PBX4: variants seen among roughly 807,000 people sequenced by gnomAD.
PBX4 encodes pre-B-cell leukemia transcription factor 4.
PBX4 carries 26 observed loss-of-function variants against 35.1 expected under a neutral mutation model. That is an observed-to-expected ratio of 0.74 (90% confidence interval 0.54 to 1.03). The LOEUF (loss-of-function observed/expected upper bound fraction) is 1.03, where lower values mean the gene tolerates loss of function less well. PBX4 is among the 50% of genes least tolerant of loss of function. The pLI is 0.00. For missense variants in PBX4, 448 were observed against 504.3 expected (o/e 0.89, Z 1.07); for synonymous variants, 199 against 204.2 (o/e 0.97, Z 0.22).
intron 2 of PBX4, among the ~76,000 whole-genome samples, chr19:19,571,639 T>TG (rs1187768377): frequency 6.6e-6 from 1 of 151,986 alleles, no homozygotes; most frequent in African/African-American, 2.4e-5. Context: ...GACTCCAGGG[T>TG]CATTCCCAGA....
rs570174923 is a variant in PBX4 at position 19,586,420 on chromosome 19, A to G, written c.193+12872T>C. Reference sequence around the variant, plus strand: ...TGAGACAGAGCAAGACCCTGTCTCAAAAAATAAACAAACAATTATATGAGC... The same window carrying G: ...TGAGACAGAGCAAGACCCTGTCTCAGAAAATAAACAAACAATTATATGAGC... On this transcript the variant is annotated intron_variant, in intron 2 of 7. Transcript: ENST00000251203. 1.2e-4 allele frequency among the ~76,000 whole-genome samples: 18 copies of G among 152,004 alleles called. No individual in the cohort carries two copies. The East Asian group carries it at 3.5e-3, about 30-fold the overall frequency.
At chr19:19,594,212 C>A (rs895627097) in intron 2 of PBX4, among the ~76,000 whole-genome samples, 22 of 151,904 alleles carry the variant, frequency 1.4e-4, no homozygotes, top group African/African-American at 5.3e-4. Flanking sequence ...TCAAGACCAG[C>A]CTGACCAACA....
chr19:19,578,187 CAA>C (rs34045847), intron 2 of PBX4, among the ~76,000 whole-genome samples: 2,458 of 80,412 alleles, frequency 0.031, 69 homozygotes, highest in South Asian at 0.17. Flanking sequence ...GACTCCATCT[CAA>C]AAAAAAAAAA....
chr19:19,612,351 C>G (rs1218369396), intron 1 of PBX4, among the ~76,000 whole-genome samples: 11 of 152,122 alleles, frequency 7.2e-5, no homozygotes, highest in Non-Finnish European at 1.0e-4. Context: ...AACAAACTTA[C>G]GGCAACAAAA....
At chr19:19,588,052 G>A (rs1248979925) in intron 2 of PBX4, 1 of 661,380 alleles carries the variant, frequency 1.5e-6, no homozygotes, top group African/African-American at 1.8e-5. Context: ...GCAGCAGCTT[G>A]ATGTGGGGCG....
rs1385799158 is a variant in PBX4, at chr19:19,602,208, G to C, written c.120-2843C>G. Among the ~76,000 whole-genome samples, 3 of 152,096 alleles carry C rather than the reference G, an allele frequency of 2.0e-5. No homozygotes were observed. In the East Asian group the frequency reaches 5.8e-4, roughly 29 times the overall value. ...AGCACTATGGGAGGCTGAGGTGGGA[G>C]GACCAGTCTAGGCAACATAGCAAGA... On this transcript the variant is annotated intron_variant, in intron 1 of 7. Coordinates refer to ENST00000251203, the MANE Select transcript of PBX4 (RefSeq NM_025245.3).
In PBX4 at chr19:19,569,375, C is replaced by T. The variant is rs2144709640; in HGVS notation, c.768+74G>A. On this transcript the variant is annotated intron_variant, in intron 5 of 7. Coordinates refer to ENST00000251203, the MANE Select transcript of PBX4 (RefSeq NM_025245.3). ...GCCTCTGCACACATTTAACAAACTT[C>T]CCTGGGTGTCCTCATGGGACCTAGT... 3.9e-6 allele frequency: 6 copies of T among 1,528,146 alleles called. No homozygotes were observed. The Admixed American group carries it at 1.0e-4, about 27-fold the overall frequency. 94.7% of individuals were successfully genotyped at this position (1,528,146 alleles called of 1,614,324 possible). A position where few individuals can be genotyped will look rare whatever the true frequency, so the allele number is the denominator to read the frequency against.
At position 19,599,134 on chromosome 19, in the gene PBX4, A is replaced by C. The variant is rs554151909; in HGVS notation, c.193+158T>G. ...CCGGCATGCGTCACCACGCCTGGCT[A>C]ATTTTTGTATTTTTAATAGAGACAG... On this transcript the variant is annotated intron_variant, in intron 2 of 7. Coordinates refer to ENST00000251203, the MANE Select transcript of PBX4 (RefSeq NM_025245.3). 2.6e-5 allele frequency among the ~76,000 whole-genome samples: 4 copies of C among 151,954 alleles called. No homozygotes were observed. The East Asian group carries it at 7.8e-4, about 30-fold the overall frequency.
At chr19:19,597,168 G>T (rs1173019474) in intron 2 of PBX4, among the ~76,000 whole-genome samples, 1 of 151,852 alleles carries the variant, frequency 6.6e-6, no homozygotes, top group Non-Finnish European at 1.5e-5. Context: ...AGCCAAGATC[G>T]TGCCATTGCA....
At position 19,569,554 on chromosome 19, in the gene PBX4, C is replaced by A; in HGVS notation, c.663G>T (p.Ala221=). The change falls in exon 5 of 8, where the codon GCG becomes GCT. Residue 221 remains alanine, a synonymous_variant. Transcript: ENST00000251203. ...AAAAATACTCATTCAGCACTTCCGT[C>A]GCCTGCTTGCTGAAATTCCGCCGCT... is the stretch of plus-strand genomic sequence containing the variant. ...RRKRRNFSKQ[A]TEVLNEYFYS... 1 of 1,613,760 alleles carries A rather than the reference C, an allele frequency of 6.2e-7. No individual in the cohort carries two copies. Among genetic ancestry groups the A allele is most frequent in the Non-Finnish European group, 8.5e-7 (1 of 1,179,822 alleles).
chr19:19,588,183 C>A, intron 2 of PBX4: 1 of 1,324,150 alleles, frequency 7.6e-7, no homozygotes, highest in South Asian at 1.2e-5. Context: ...CTATTCTTCT[C>A]CTGGATGGTG....
chr19:19,609,734 C>T (rs952525970), intron 1 of PBX4, among the ~76,000 whole-genome samples: 1 of 151,826 alleles, frequency 6.6e-6, no homozygotes, highest in African/African-American at 2.4e-5. Context: ...GCCTGTATTC[C>T]CAGCTACTCG....
At chr19:19,574,334 C>T (rs748208384) in intron 2 of PBX4, among the ~76,000 whole-genome samples, 6 of 152,200 alleles carry the variant, frequency 3.9e-5, no homozygotes, top group East Asian at 1.9e-4. Flanking sequence ...TCTTCATAGA[C>T]GCCCTCCTCT....
At chr19:19,565,866 C>T (rs999582058) in intron 5 of PBX4, among the ~76,000 whole-genome samples, 1 of 151,898 alleles carries the variant, frequency 6.6e-6, no homozygotes, top group Non-Finnish European at 1.5e-5. Flanking sequence ...TGCAGTGAGC[C>T]AAGATCGCAC....
chr19:19,570,269 T>G lies in PBX4; in HGVS notation c.472A>C (p.Asn158His). Residue 158 changes from asparagine (N) to histidine (H), a missense_variant, in exon 4 of 8, where the codon AAC becomes CAC. Coordinates refer to ENST00000251203, the MANE Select transcript of PBX4 (RefSeq NM_025245.3). ...ACREFTTHVTNLLQEQSRMRP... is the reference protein window; with the variant it reads ...ACREFTTHVTHLLQEQSRMRP... ...ATCCTGCTCTGCTCCTGGAGGAGGT[T>G]GGTGACGTGCGTGGTGAACTCACGA... 6.2e-7 allele frequency: 1 copy of G among 1,612,220 alleles called. No individual in the cohort carries two copies. Among genetic ancestry groups the G allele is most frequent in the Non-Finnish European group, 8.5e-7 (1 of 1,178,896 alleles).
intron 1 of PBX4, among the ~76,000 whole-genome samples, chr19:19,607,317 G>A (rs1015780236): frequency 6.6e-6 from 1 of 152,096 alleles, no homozygotes; most frequent in Non-Finnish European, 1.5e-5. Context: ...GCCTCCCAAA[G>A]TGCTGGGATT....
At chr19:19,565,964 T>TAAAAAAGAGATAG (rs1365758362) in intron 5 of PBX4, among the ~76,000 whole-genome samples, 2 of 151,952 alleles carry the variant, frequency 1.3e-5, no homozygotes, top group African/African-American at 4.8e-5. Flanking sequence ...GGTCTCGCTC[T>TAAAAAAGAGATAG]GTTGCCCAGG....
At chr19:19,584,215 G>C (rs138310542) in intron 2 of PBX4, among the ~76,000 whole-genome samples, 1 of 152,316 alleles carries the variant, frequency 6.6e-6, no homozygotes, top group Non-Finnish European at 1.5e-5. Flanking sequence ...TCCAGCCTGG[G>C]TGACAGAGCG....
In PBX4 at chr19:19,569,596, G is replaced by T. The variant is rs1239343011; in HGVS notation, c.633-12C>A. ...TCCGCCGCTTGCGCCTGCAAAAACA[G>T]CCGCCTTCGTAGGCATTAATATGCT... On this transcript the variant is annotated splice_polypyrimidine_tract_variant and intron_variant, in intron 4 of 7. Coordinates refer to ENST00000251203, the MANE Select transcript of PBX4 (RefSeq NM_025245.3). 4 of 1,612,588 alleles carry T rather than the reference G, an allele frequency of 2.5e-6. No homozygotes were observed. The highest frequency in any genetic ancestry group is 3.4e-6 in the Non-Finnish European group (4 of 1,179,316).
Sources: gnomAD v4.1 joint callset for allele counts (sites outside exome capture counted in the v4.1 genomes callset) on GRCh38, gnomAD v4.1.1 for gene constraint, MANE v1.5 for transcripts, NCBI Gene and HGNC (gene_info 2026-07-23, HGNC 2026-07-21) for gene names.